The following ANKS1B variants were observed in gnomAD, a reference collection of about 807,000 sequenced individuals.
ANKS1B encodes ankyrin repeat and sterile alpha motif domain-containing protein 1B.
A neutral mutation model predicts 148.3 loss-of-function variants in ANKS1B; 36 were observed. That is an observed-to-expected ratio of 0.24 (90% confidence interval 0.19 to 0.32). The LOEUF is 0.32. Ranked by LOEUF, ANKS1B falls within the 10% of genes least tolerant of loss-of-function variation. ANKS1B has a pLI of 1.00. For synonymous variants in ANKS1B, 542 were observed against 560.8 expected (o/e 0.97, Z 0.47); for missense variants, 1,157 against 1,542.6 (o/e 0.75, Z 4.19).
chr12:98,939,387 TC>T (rs1196883472), intron 17 of ANKS1B, among the ~76,000 whole-genome samples: 1 of 152,260 alleles, frequency 6.6e-6, no homozygotes, highest in African/African-American at 2.4e-5. Flanking sequence ...TGGCTGAAGT[TC>T]CTTTTGTGCT....
intron 10 of ANKS1B, among the ~76,000 whole-genome samples, chr12:99,464,376 G>C (rs1192089048): frequency 6.6e-6 from 1 of 152,182 alleles, no homozygotes; most frequent in Non-Finnish European, 1.5e-5. Flanking sequence ...ACCCTAAAAA[G>C]CAGAGCACCT....
chr12:99,211,094 T>C (rs1441307883), intron 14 of ANKS1B, among the ~76,000 whole-genome samples: 1 of 152,194 alleles, frequency 6.6e-6, no homozygotes, highest in Non-Finnish European at 1.5e-5. Flanking sequence ...CTATAAGCTA[T>C]GAATGGCATG....
chr12:99,285,699 C>T (rs1444442956), intron 12 of ANKS1B, among the ~76,000 whole-genome samples: 9 of 152,150 alleles, frequency 5.9e-5, no homozygotes, highest in Admixed American at 5.9e-4. Context: ...CGCCACCCCT[C>T]CCTCATCCCC....
chr12:99,368,328 T>C (rs1042028789), intron 12 of ANKS1B, among the ~76,000 whole-genome samples: 1 of 152,044 alleles, frequency 6.6e-6, no homozygotes, highest in Non-Finnish European at 1.5e-5. Context: ...CTGAGCATTA[T>C]GCAATATAGC....
intron 11 of ANKS1B, among the ~76,000 whole-genome samples, chr12:99,404,073 A>G (rs59231582): frequency 0.088 from 12,866 of 146,154 alleles, 3,017 homozygotes; most frequent in African/African-American, 0.3. Context: ...AACTAACACA[A>G]GAACAGAAAA....
At chr12:98,913,932 G>C (rs1189062962) in intron 17 of ANKS1B, among the ~76,000 whole-genome samples, 1 of 152,170 alleles carries the variant, frequency 6.6e-6, no homozygotes, top group African/African-American at 2.4e-5. Context: ...CTTCTTAGCA[G>C]TTTTCTTTAT....
At chr12:99,389,275 C>T (rs1326779639) in intron 12 of ANKS1B, among the ~76,000 whole-genome samples, 2 of 152,202 alleles carry the variant, frequency 1.3e-5, no homozygotes, top group African/African-American at 2.4e-5. Context: ...GGCCTGGCCC[C>T]AGGTAAACAC....
intron 2 of ANKS1B, among the ~76,000 whole-genome samples, chr12:99,815,394 C>A (rs2068972578): frequency 6.6e-6 from 1 of 151,690 alleles, no homozygotes; most frequent in Non-Finnish European, 1.5e-5. Flanking sequence ...ACACTAAGAT[C>A]CTAACTACAC....
intron 1 of ANKS1B, among the ~76,000 whole-genome samples, chr12:99,835,510 AAATTAGTTTG>A (rs1208454135): frequency 1.3e-5 from 2 of 152,194 alleles, no homozygotes; most frequent in African/African-American, 4.8e-5. Context: ...AAAAGATGTG[AAATTAGTTTG>A]AATATATTTT....
At chr12:99,650,666 C>T (rs1489805473) in intron 9 of ANKS1B, among the ~76,000 whole-genome samples, 1 of 152,088 alleles carries the variant, frequency 6.6e-6, no homozygotes, top group Non-Finnish European at 1.5e-5. Context: ...AAATTTCAAT[C>T]TAGTTACAAT....
intron 19 of ANKS1B, among the ~76,000 whole-genome samples, chr12:98,828,068 T>C (rs1407775253): frequency 1.3e-5 from 2 of 152,176 alleles, no homozygotes; most frequent in African/African-American, 2.4e-5. Context: ...ATTTCTCCTA[T>C]ATTTTCCATC....
chr12:99,842,351 T>C (rs762972381), intron 1 of ANKS1B, among the ~76,000 whole-genome samples: 1 of 152,250 alleles, frequency 6.6e-6, no homozygotes, highest in Admixed American at 6.5e-5. Flanking sequence ...TGAAAACTAG[T>C]ATGTAGTTTT....
At chr12:99,821,660 A>T (rs1206316122) in intron 2 of ANKS1B, among the ~76,000 whole-genome samples, 2 of 152,072 alleles carry the variant, frequency 1.3e-5, no homozygotes, top group Non-Finnish European at 2.9e-5. Flanking sequence ...AATCTGAGAA[A>T]GAACAAGAAA....
At chr12:99,720,486 G>A (rs1345767858) in intron 8 of ANKS1B, among the ~76,000 whole-genome samples, 2 of 152,084 alleles carry the variant, frequency 1.3e-5, no homozygotes, top group African/African-American at 4.8e-5. Flanking sequence ...TCAGGCTCTT[G>A]GTATTCAGTT....
chr12:98,874,638 G>A (rs2099682972), intron 17 of ANKS1B, among the ~76,000 whole-genome samples: 1 of 152,118 alleles, frequency 6.6e-6, no homozygotes, highest in South Asian at 2.1e-4. Context: ...GAAACATGGA[G>A]ATTTATTGGA....
At chr12:98,860,691 G>C (rs1321355518) in intron 17 of ANKS1B, among the ~76,000 whole-genome samples, 1 of 152,080 alleles carries the variant, frequency 6.6e-6, no homozygotes, top group Non-Finnish European at 1.5e-5. Flanking sequence ...ATGGACACAG[G>C]GAGGGGAACA....
At chr12:99,657,568 C>T (rs1324472237) in intron 8 of ANKS1B, among the ~76,000 whole-genome samples, 1 of 151,474 alleles carries the variant, frequency 6.6e-6, no homozygotes, top group East Asian at 1.9e-4. Context: ...AGGTGATTAT[C>T]ACAGGGATTT....
chr12:98,837,033 G>A (rs896084476), intron 17 of ANKS1B, among the ~76,000 whole-genome samples: 1 of 152,056 alleles, frequency 6.6e-6, no homozygotes, highest in Non-Finnish European at 1.5e-5. Flanking sequence ...AGTTCCAATA[G>A]ATAAGAAATA....
chr12:99,046,807 T>TAAA (rs1265969829), intron 17 of ANKS1B, among the ~76,000 whole-genome samples: 2 of 80,548 alleles, frequency 2.5e-5, no homozygotes, highest in Non-Finnish European at 5.2e-5. Context: ...GACTCTGTCT[T>TAAA]AAAAAAAAAG....
Sources: allele counts gnomAD v4.1 joint callset (sites outside exome capture counted in the v4.1 genomes callset), GRCh38; gene constraint gnomAD v4.1.1; transcripts MANE v1.5; gene names NCBI Gene and HGNC (gene_info 2026-07-23, HGNC 2026-07-21).